NMNAT3: variants seen among roughly 807,000 people sequenced by gnomAD.
NMNAT3 encodes nicotinamide/nicotinic acid mononucleotide adenylyltransferase 3.
In NMNAT3, 21 loss-of-function variants were observed where a neutral mutation model predicts 24.8. That is an observed-to-expected ratio of 0.85 (90% CI 0.60 to 1.22). NMNAT3 has a LOEUF of 1.22. Among genes scored for constraint, NMNAT3 ranks in the 50% most tolerant of loss-of-function variants. NMNAT3 has a pLI of 0.00. For synonymous variants in NMNAT3, 136 were observed against 155.2 expected (o/e 0.88, Z 0.92); for missense variants, 387 against 436.6 (o/e 0.89, Z 1.01).
At chr3:139,663,875 G>A (rs902913756) in intron 1 of NMNAT3, among the ~76,000 whole-genome samples, 3 of 152,170 alleles carry the variant, frequency 2.0e-5, no homozygotes, top group South Asian at 2.1e-4. Flanking sequence ...TTTTGTTCTG[G>A]GAAGCTTGGA....
At chr3:139,615,417 TTCTA>T (rs145198692) in intron 3 of NMNAT3, among the ~76,000 whole-genome samples, 2,334 of 140,222 alleles carry the variant, frequency 0.017, 30 homozygotes, top group Non-Finnish European at 0.021. Flanking sequence ...CACACACATT[TTCTA>T]TCTATCTATC....
chr3:139,608,407 C>A (rs1468176417), intron 3 of NMNAT3, among the ~76,000 whole-genome samples: 2 of 152,188 alleles, frequency 1.3e-5, no homozygotes, highest in African/African-American at 2.4e-5. Context: ...AATGTTAAAA[C>A]TTACTTCACA....
At chr3:139,678,029 G>C (rs534822408), upstream of NMNAT3, 1 of 133,518 alleles carries the variant, frequency 7.5e-6, no homozygotes, top group East Asian at 2.5e-4. Flanking sequence ...AGGAGACCCG[G>C]CCCTGGCCCC....
In NMNAT3 at chr3:139,658,949, G is replaced by A. The variant is rs566416660; in HGVS notation, c.-141+18756C>T. Among the ~76,000 whole-genome samples, 394 of 152,012 alleles carry A rather than the reference G, an allele frequency of 2.6e-3. 2 individuals are homozygous for A. The highest frequency in any genetic ancestry group is 9.1e-3 in the African/African-American group (377 of 41,450). ...CAATCCCCCTGCACCCCTCCCTCAAGCAGCCACTATTCTAAGTTTTTCCAC... is the reference window on the plus strand; with the variant it reads ...CAATCCCCCTGCACCCCTCCCTCAAACAGCCACTATTCTAAGTTTTTCCAC... On this transcript the variant is annotated intron_variant, in intron 1 of 6. Coordinates refer to ENST00000643695, the MANE Select transcript of NMNAT3 (RefSeq NM_001320510.2).
chr3:139,656,979 C>T (rs938142512), intron 1 of NMNAT3, among the ~76,000 whole-genome samples: 5 of 152,170 alleles, frequency 3.3e-5, no homozygotes, highest in Non-Finnish European at 7.4e-5. Flanking sequence ...TTTGGCAGTA[C>T]CTATACTGTA....
chr3:139,616,613 G>C (rs1175197046), intron 3 of NMNAT3, among the ~76,000 whole-genome samples: 1 of 152,130 alleles, frequency 6.6e-6, no homozygotes, highest in Non-Finnish European at 1.5e-5. Context: ...CTAGTGGGTA[G>C]CACTCTCTCT....
rs752836666 is a variant in NMNAT3, at chr3:139,561,028, AGTGCTCTGG to A, written c.1014_1022del (p.Gln339_Thr341del). On this transcript the variant is annotated inframe_deletion, in exon 7 of 7. Coordinates refer to ENST00000643695, the MANE Select transcript of NMNAT3 (RefSeq NM_001320510.2). ...CCCCTCCCTAGCTTGTCTTGCCCTC[AGTGCTCTGG>A]GTGCTTTTGCCTTTCCAGGTACTGC... The A allele has an allele frequency of 6.2e-7, 1 of 1,613,056 alleles. No homozygotes were observed. Among genetic ancestry groups the A allele is most frequent in the Non-Finnish European group, 8.5e-7 (1 of 1,179,684 alleles).
chr3:139,655,489 C>A (rs1226717176), intron 1 of NMNAT3, among the ~76,000 whole-genome samples: 1 of 152,198 alleles, frequency 6.6e-6, no homozygotes, highest in Non-Finnish European at 1.5e-5. Context: ...GAGGCCACAG[C>A]TACTTTCAAT....
chr3:139,627,884 T>G, intron 2 of NMNAT3, 120 bp from the exon 4 acceptor site: 1 of 476,916 alleles, frequency 2.1e-6, no homozygotes, highest in Non-Finnish European at 3.7e-6. Flanking sequence ...AGGAGGCCAT[T>G]AAAACAACGT....
intron 2 of NMNAT3, among the ~76,000 whole-genome samples, chr3:139,628,702 C>T (rs867705588): frequency 1.3e-5 from 2 of 152,130 alleles, no homozygotes; most frequent in African/African-American, 4.8e-5. Flanking sequence ...GCTGCCTCCT[C>T]GAGGTGGGAC....
chr3:139,617,503 G>C (rs2055562853), intron 3 of NMNAT3, among the ~76,000 whole-genome samples: 1 of 152,182 alleles, frequency 6.6e-6, no homozygotes, highest in Non-Finnish European at 1.5e-5. Context: ...TACCCACCTG[G>C]TAGGGCTGTT....
chr3:139,651,629 G>T (rs920284878), intron 1 of NMNAT3, among the ~76,000 whole-genome samples: 20 of 152,216 alleles, frequency 1.3e-4, no homozygotes, highest in African/African-American at 4.8e-4. Flanking sequence ...AAAGGTAGCT[G>T]CTGGAATTAA....
intron 3 of NMNAT3, among the ~76,000 whole-genome samples, chr3:139,597,482 T>C (rs1414721552): frequency 6.6e-6 from 1 of 152,236 alleles, no homozygotes; most frequent in African/African-American, 2.4e-5. Context: ...TGTTGAATTA[T>C]TCTTTTATTA....
At chr3:139,633,183 T>A (rs1196427720) in intron 2 of NMNAT3, among the ~76,000 whole-genome samples, 4 of 115,124 alleles carry the variant, frequency 3.5e-5, no homozygotes, top group Admixed American at 8.3e-5. Context: ...TTTGTTTGAT[T>A]TTTTTTTTTT....
chr3:139,675,703 C>T (rs374768550), intron 1 of NMNAT3, among the ~76,000 whole-genome samples: 3 of 152,160 alleles, frequency 2.0e-5, no homozygotes, highest in South Asian at 2.1e-4. Flanking sequence ...CTTGTTTCAT[C>T]AATTTTTGTC....
At chr3:139,661,735 A>C (rs529766275) in intron 1 of NMNAT3, among the ~76,000 whole-genome samples, 1 of 152,246 alleles carries the variant, frequency 6.6e-6, no homozygotes, top group Non-Finnish European at 1.5e-5. Flanking sequence ...TCGCCCCCCC[A>C]AATTATTGAC....
In NMNAT3 at chr3:139,596,916, GTATATATATATATATATATATATATATA is replaced by G. The variant is rs58824425; in HGVS notation, c.110-13736_110-13709del. ...TTTCCACTATATTTTTGTCATGTGT[GTATATATATATATATATATATATATATA>G]TATATATATATATATATATATTTTT... On this transcript the variant is annotated intron_variant, in intron 3 of 6. Coordinates refer to ENST00000643695, the MANE Select transcript of NMNAT3 (RefSeq NM_001320510.2). 1.0e-3 allele frequency among the ~76,000 whole-genome samples: 99 copies of G among 97,194 alleles called. 2 individuals are homozygous for G. Among genetic ancestry groups the G allele is most frequent in the African/African-American group, 2.4e-3 (59 of 24,258 alleles). 63.8% of individuals were successfully genotyped at this position (97,194 alleles called of 152,430 possible).
At chr3:139,588,965 A>T (rs1342305624) in intron 3 of NMNAT3, among the ~76,000 whole-genome samples, 7 of 152,200 alleles carry the variant, frequency 4.6e-5, no homozygotes, top group Non-Finnish European at 4.4e-5. Context: ...GAGGTCTATC[A>T]GCTTTACATT....
chr3:139,622,740 A>G (rs1448058739), intron 3 of NMNAT3, among the ~76,000 whole-genome samples: 2 of 145,970 alleles, frequency 1.4e-5, no homozygotes, highest in Non-Finnish European at 1.5e-5. Context: ...GTCTCAAAAA[A>G]AAAGTGTGTG....
Sources: allele counts gnomAD v4.1 joint callset (sites outside exome capture counted in the v4.1 genomes callset), GRCh38; gene constraint gnomAD v4.1.1; transcripts MANE v1.5; gene names NCBI Gene and HGNC (gene_info 2026-07-23, HGNC 2026-07-21).